Variants in CSMD1 observed in about 807,000 individuals in gnomAD.
The protein encoded by CSMD1 is CUB and sushi domain-containing protein 1.
Under a neutral mutation model 417.5 loss-of-function variants are expected in CSMD1, and 213 were observed. The ratio of observed to expected loss-of-function variants is 0.51; its 90% confidence interval spans 0.46 to 0.57. The LOEUF (loss-of-function observed/expected upper bound fraction) is 0.57, where lower values mean the gene tolerates loss of function less well. Ranked by LOEUF, CSMD1 falls within the 20% of genes least tolerant of loss-of-function variation. The pLI is 0.00. For synonymous variants in CSMD1, 2,862 were observed against 1,736.8 expected (o/e 1.65, Z -16.11); for missense variants, 6,923 against 4,529.7 (o/e 1.53, Z -15.17).
At chr8:3,312,083 T>G (rs1228522265) in intron 23 of CSMD1, among the ~76,000 whole-genome samples, 1 of 152,212 alleles carries the variant, frequency 6.6e-6, no homozygotes, top group Non-Finnish European at 1.5e-5. Flanking sequence ...TTGTAATGTT[T>G]CTTTCCACTC....
chr8:2,963,103 T>C lies in CSMD1; in HGVS notation c.9454+119A>G, dbSNP rs997471272. 9.9e-6 allele frequency: 11 copies of C among 1,111,984 alleles called. No homozygotes were observed. The African/African-American group carries it at 1.5e-4, about 16-fold the overall frequency. 68.9% of individuals were successfully genotyped at this position (1,111,984 alleles called of 1,614,324 possible). ...GTCTCAAGTTTGAGTTTTTGTGTAT[T>C]TTAGGGCTATTATTACCCACCAGGA... On this transcript the variant is annotated intron_variant, in intron 60 of 69. Transcript: ENST00000635120.
At chr8:4,925,909 T>G (rs1806835637) in intron 1 of CSMD1, among the ~76,000 whole-genome samples, 1 of 152,212 alleles carries the variant, frequency 6.6e-6, no homozygotes, top group Admixed American at 6.5e-5. Context: ...AAAACATATC[T>G]TTTATTTCCC....
In CSMD1 at chr8:4,075,142, C is replaced by G. The variant is rs146838203; in HGVS notation, c.416-43043G>C. On this transcript the variant is annotated intron_variant, in intron 3 of 69. Coordinates refer to ENST00000635120, the MANE Select transcript of CSMD1 (RefSeq NM_033225.6). ...GTAAATATCAAAATGATACGAAAAACTAAGCAGGATTAAATTTTGCTAAGC... is the reference window on the plus strand; with the variant it reads ...GTAAATATCAAAATGATACGAAAAAGTAAGCAGGATTAAATTTTGCTAAGC... Among the ~76,000 whole-genome samples, 603 of 152,194 alleles carry G rather than the reference C, an allele frequency of 4.0e-3. 15 individuals are homozygous for G. The East Asian group carries it at 0.06, about 15-fold the overall frequency.
chr8:4,142,759 C>G (rs968383745), intron 3 of CSMD1, among the ~76,000 whole-genome samples: 2 of 151,016 alleles, frequency 1.3e-5, no homozygotes, highest in Non-Finnish European at 2.9e-5. Context: ...ACTTGCCAAT[C>G]ACTTCATTAG....
intron 2 of CSMD1, among the ~76,000 whole-genome samples, chr8:4,465,539 C>G (rs1185500226): frequency 6.6e-6 from 1 of 152,172 alleles, no homozygotes; most frequent in African/African-American, 2.4e-5. Flanking sequence ...TACAACTCCA[C>G]TCTCAGAATG....
chr8:4,528,200 T>C (rs1250813820), intron 2 of CSMD1, among the ~76,000 whole-genome samples: 1 of 152,216 alleles, frequency 6.6e-6, no homozygotes, highest in African/African-American at 2.4e-5. Context: ...ATGGCTGCTG[T>C]TTCCAACTTT....
Position 4,246,175 on chromosome 8 carries a change from A to C in CSMD1, c.415+173778T>G, listed in dbSNP as rs76622329. On this transcript the variant is annotated intron_variant, in intron 3 of 69. Transcript: ENST00000635120. ...TTTTCCTGATCCCCTCTTTCTTCCA[A>C]TATTCCATCCTCCAAAAGGCCCCAG... Among the ~76,000 whole-genome samples, 1,485 of 152,146 alleles carry C rather than the reference A, an allele frequency of 9.8e-3. 130 individuals are homozygous for C. The East Asian group carries it at 0.21, about 21-fold the overall frequency.
rs1016150814 is a variant in CSMD1 at position 4,470,735 on chromosome 8, G to C, written c.303-50670C>G. ...AAAGAAGAAAGGTAAAATGAACACAGAAAAACACCATGAATGACTTAATTG... is the reference window on the plus strand; with the variant it reads ...AAAGAAGAAAGGTAAAATGAACACACAAAAACACCATGAATGACTTAATTG... On this transcript the variant is annotated intron_variant, in intron 2 of 69. Transcript: ENST00000635120. 5.9e-5 allele frequency among the ~76,000 whole-genome samples: 9 copies of C among 152,130 alleles called. 1 individual carries two copies. The highest frequency in any genetic ancestry group is 1.3e-4 in the Non-Finnish European group (9 of 68,020).
intron 12 of CSMD1, among the ~76,000 whole-genome samples, chr8:3,411,433 T>C (rs1001688241): frequency 6.6e-6 from 1 of 151,934 alleles, no homozygotes; most frequent in African/African-American, 2.4e-5. Context: ...TAGTCTTCTA[T>C]TCCTCATCCC....
intron 26 of CSMD1, among the ~76,000 whole-genome samples, chr8:3,275,059 C>T (rs954467281): frequency 3.3e-5 from 5 of 152,072 alleles, no homozygotes; most frequent in Admixed American, 6.6e-5. Context: ...TTTTGCCGTG[C>T]CTGGTACCTT....
At chr8:3,301,962 A>C (rs979612763) in intron 25 of CSMD1, among the ~76,000 whole-genome samples, 20 of 152,146 alleles carry the variant, frequency 1.3e-4, no homozygotes, top group African/African-American at 4.8e-4. Flanking sequence ...GTCTCGTCTA[A>C]AGAAATCTCA....
chr8:3,242,030 C>T (rs186697221), intron 26 of CSMD1, among the ~76,000 whole-genome samples: 5 of 74,468 alleles, frequency 6.7e-5, no homozygotes, highest in African/African-American at 2.0e-4. Context: ...CCAAACGAGC[C>T]ATGAACTGGG....
chr8:4,122,858 G>A (rs1401628923), intron 3 of CSMD1, among the ~76,000 whole-genome samples: 2 of 152,058 alleles, frequency 1.3e-5, no homozygotes, highest in African/African-American at 4.8e-5. Context: ...CAGAAACTTG[G>A]TCCACATAAA....
intron 5 of CSMD1, among the ~76,000 whole-genome samples, chr8:3,868,342 T>C (rs867431830): frequency 3.7e-4 from 56 of 152,186 alleles, no homozygotes; most frequent in African/African-American, 1.3e-3. Flanking sequence ...TTTTTTGCCT[T>C]CCTTTCTCCC....
At chr8:4,721,859 C>G (rs1809075352) in intron 1 of CSMD1, among the ~76,000 whole-genome samples, 1 of 152,124 alleles carries the variant, frequency 6.6e-6, no homozygotes, top group Admixed American at 6.6e-5. Context: ...AAAGGAGATA[C>G]TGTCATTTGT....
At chr8:4,069,368 T>C (rs1304498734) in intron 3 of CSMD1, among the ~76,000 whole-genome samples, 3 of 152,196 alleles carry the variant, frequency 2.0e-5, no homozygotes. Flanking sequence ...CACTGGTGAT[T>C]TTTACTTTAT....
intron 5 of CSMD1, among the ~76,000 whole-genome samples, chr8:3,791,993 T>A (rs532414767): frequency 1.4e-4 from 20 of 147,082 alleles, no homozygotes; most frequent in Middle Eastern, 7.2e-3. Context: ...TTTTCTGATT[T>A]CTAATTCTTT....
intron 3 of CSMD1, among the ~76,000 whole-genome samples, chr8:4,036,332 T>A (rs1449556599): frequency 1.4e-5 from 2 of 143,306 alleles, no homozygotes; most frequent in Admixed American, 7.5e-5. Flanking sequence ...TTTAGTAAAT[T>A]TAAAGAGGGA....
chr8:4,003,823 T>G (rs1439185776), intron 4 of CSMD1, among the ~76,000 whole-genome samples: 1 of 143,976 alleles, frequency 6.9e-6, no homozygotes, highest in Admixed American at 7.2e-5. Context: ...TGTCTGATAT[T>G]CTACCAAGGT....
Sources: gnomAD v4.1 joint callset for allele counts (sites outside exome capture counted in the v4.1 genomes callset) on GRCh38, gnomAD v4.1.1 for gene constraint, MANE v1.5 for transcripts, NCBI Gene and HGNC (gene_info 2026-07-23, HGNC 2026-07-21) for gene names.